The following FYN variants were observed in gnomAD, a reference collection of about 807,000 sequenced individuals.
FYN encodes the protein tyrosine-protein kinase Fyn.
Under a neutral mutation model 70.2 loss-of-function variants are expected in FYN, and 10 were observed. The observed-to-expected ratio is 0.14, with a 90% confidence interval of 0.09 to 0.24. The LOEUF is 0.24. Ranked by LOEUF, FYN falls within the 10% of genes least tolerant of loss-of-function variation. The probability of loss-of-function intolerance (pLI) is 1.00; values close to 1 mark genes in which losing one functional copy is unlikely to be tolerated. For missense variants in FYN, 319 were observed against 673.1 expected, an observed-to-expected ratio of 0.47 and a Z score of 5.82; for synonymous variants, 236 against 248.6, an observed-to-expected ratio of 0.95 and a Z score of 0.48.
At chr6:111,790,459 C>G (rs1487252534) in intron 2 of FYN, among the ~76,000 whole-genome samples, 1 of 152,156 alleles carries the variant, frequency 6.6e-6, no homozygotes, top group African/African-American at 2.4e-5. Flanking sequence ...AATCTCAGAT[C>G]GAGTCTCCCA....
At chr6:111,664,620 C>G (rs1479332846) in intron 13 of FYN, among the ~76,000 whole-genome samples, 1 of 151,938 alleles carries the variant, frequency 6.6e-6, no homozygotes, top group African/African-American at 2.4e-5. Context: ...GCAGTCTTTC[C>G]TGGGCATTTG....
intron 2 of FYN, among the ~76,000 whole-genome samples, chr6:111,817,248 C>T (rs568050187): frequency 6.6e-6 from 1 of 151,826 alleles, no homozygotes; most frequent in Admixed American, 6.6e-5. Context: ...ACATAGCAAC[C>T]ACATATTTTC....
chr6:111,750,416 C>T (rs959591104), intron 3 of FYN, among the ~76,000 whole-genome samples: 3 of 152,220 alleles, frequency 2.0e-5, no homozygotes, highest in African/African-American at 4.8e-5. Context: ...TGGAAGCTTC[C>T]GGAGGCCTCC....
chr6:111,670,512 C>T (rs950328278), intron 13 of FYN, among the ~76,000 whole-genome samples: 1 of 152,208 alleles, frequency 6.6e-6, no homozygotes, highest in African/African-American at 2.4e-5. Context: ...TCTATGAGGG[C>T]AGCAGCATTT....
intron 1 of FYN, among the ~76,000 whole-genome samples, chr6:111,872,589 T>C (rs927784650): frequency 6.6e-6 from 1 of 151,974 alleles, no homozygotes; most frequent in Non-Finnish European, 1.5e-5. Flanking sequence ...ATTAAGTGAT[T>C]ACATCATCCC....
At chr6:111,801,028 G>A (rs919556424) in intron 2 of FYN, among the ~76,000 whole-genome samples, 1 of 152,184 alleles carries the variant, frequency 6.6e-6, no homozygotes. Flanking sequence ...ACAGACAGTA[G>A]AAGGACCTCT....
chr6:111,760,413 G>A (rs1465061), intron 3 of FYN, among the ~76,000 whole-genome samples: 48,412 of 152,046 alleles, frequency 0.32, 8,790 homozygotes, highest in East Asian at 0.47. Flanking sequence ...GGCATCCTAA[G>A]TGCCTGGATG....
In FYN at chr6:111,700,167, G is replaced by C; in HGVS notation, c.799C>G (p.Pro267Ala). ...SVKTKDVWEIPRESLQLIKRL... is the reference protein window; with the variant it reads ...SVKTKDVWEIARESLQLIKRL... ...TTGATCAACTGCAGGGATTCTCGAG[G>C]GATTTCCCAGACATCTTTGGTTTTG... The change falls in exon 9 of 14, where the codon CCT becomes GCT. Residue 267 changes from proline to alanine, a missense_variant. By Grantham distance (27) the Pro-to-Ala change is conservative. Transcript: ENST00000354650. The C allele has an allele frequency of 6.2e-7, 1 of 1,613,978 alleles. No individual in the cohort carries two copies. The highest frequency in any genetic ancestry group is 8.5e-7 in the Non-Finnish European group (1 of 1,179,984).
intron 7 of FYN, 25 bp downstream of exon 7, chr6:111,703,974 C>A (rs1329006319): frequency 6.4e-7 from 1 of 1,568,048 alleles, no homozygotes; most frequent in African/African-American, 1.4e-5. Flanking sequence ...AATGACAAGC[C>A]AACTTCTTCA....
In FYN at chr6:111,694,272, A is replaced by T; in HGVS notation, c.1273+103T>A. The stretch of plus-strand genomic sequence containing the variant: ...AACCAAGCTGAAGAATGACATTTCA[A>T]GTATTTTCTGAAGGAAGGGAAGGGA... On this transcript the variant is annotated intron_variant, in intron 12 of 13. Coordinates refer to ENST00000354650, the MANE Select transcript of FYN (RefSeq NM_002037.5). This position sits in a 1 kb window ranked among gnomAD's most constrained non-coding sequence, Gnocchi z 5.0. 7.0e-7 allele frequency: 1 copy of T among 1,422,556 alleles called. No homozygotes were observed. The allele number at this position is 1,422,556 out of a possible 1,614,324, so 88.1% of individuals were successfully genotyped here. A position where few individuals can be genotyped will look rare whatever the true frequency, so the allele number is the denominator to read the frequency against.
intron 12 of FYN, among the ~76,000 whole-genome samples, chr6:111,685,134 C>T (rs991878843): frequency 2.0e-5 from 3 of 152,250 alleles, no homozygotes; most frequent in East Asian, 3.8e-4. Context: ...TTGTAACCAA[C>T]TGCACACTGC....
intron 2 of FYN, chr6:111,818,645 G>A (rs533057129): frequency 6.6e-6 from 1 of 152,574 alleles, no homozygotes; most frequent in African/African-American, 2.4e-5. Flanking sequence ...TGCCACTGCT[G>A]ACTAGCTTTC....
intron 13 of FYN, among the ~76,000 whole-genome samples, chr6:111,668,818 C>T (rs1384549469): frequency 6.6e-6 from 1 of 152,148 alleles, no homozygotes; most frequent in Non-Finnish European, 1.5e-5. Flanking sequence ...CAGGGAGAGA[C>T]ACGCACCCTC....
At chr6:111,821,328 C>G (rs897573930) in intron 2 of FYN, among the ~76,000 whole-genome samples, 2 of 152,136 alleles carry the variant, frequency 1.3e-5, no homozygotes, top group African/African-American at 2.4e-5. Context: ...GAAATAATAC[C>G]ACACATCTAC....
intron 13 of FYN, among the ~76,000 whole-genome samples, chr6:111,667,211 A>G (rs1798050296): frequency 6.6e-6 from 1 of 152,024 alleles, no homozygotes; most frequent in Admixed American, 6.6e-5. Context: ...TGAACTCAGT[A>G]GTCTTCCCTT....
At chr6:111,667,592 T>C (rs1798068369) in intron 13 of FYN, among the ~76,000 whole-genome samples, 1 of 152,164 alleles carries the variant, frequency 6.6e-6, no homozygotes, top group Non-Finnish European at 1.5e-5. Flanking sequence ...AAAAATCACT[T>C]TCATTGGCAG....
At chr6:111,692,110 C>CT (rs1047467526) in intron 12 of FYN, among the ~76,000 whole-genome samples, 1 of 149,684 alleles carries the variant, frequency 6.7e-6, no homozygotes, top group Non-Finnish European at 1.5e-5. Flanking sequence ...TTCCCCCCCC[C>CT]CCAGTTCAGC....
chr6:111,707,345 T>C (rs892352901), intron 6 of FYN, among the ~76,000 whole-genome samples: 4 of 152,170 alleles, frequency 2.6e-5, no homozygotes, highest in African/African-American at 9.7e-5. Context: ...AGTTGAATAG[T>C]TGGGCCAAAT....
At position 111,686,648 on chromosome 6, in the gene FYN, T is replaced by G. The variant is rs77234851; in HGVS notation, c.1273+7727A>C. 9.7e-3 allele frequency among the ~76,000 whole-genome samples: 1,449 copies of G among 150,114 alleles called. 31 individuals are homozygous for G. Among genetic ancestry groups the G allele is most frequent in the African/African-American group, 0.034 (1,373 of 40,912 alleles). ...AGATTAAATTCAGTAATTAAAAAGG[T>G]TTTTTTTTTCTTCCTTTTCTCTCTC... is the stretch of plus-strand genomic sequence containing the variant. On this transcript the variant is annotated intron_variant, in intron 12 of 13. Coordinates refer to ENST00000354650, the MANE Select transcript of FYN (RefSeq NM_002037.5).
Sources: gnomAD v4.1 joint callset for allele counts (sites outside exome capture counted in the v4.1 genomes callset) on GRCh38, gnomAD v4.1.1 for gene constraint, Gnocchi (gnomAD v3.1) non-coding constraint, MANE v1.5 for transcripts, NCBI Gene and HGNC (gene_info 2026-07-23, HGNC 2026-07-21) for gene names.